The following PPP2R5B variants were observed in gnomAD, a reference collection of about 807,000 sequenced individuals.
PPP2R5B encodes protein phosphatase 2 regulatory subunit B'beta, also known as serine/threonine-protein phosphatase 2A 56 kDa regulatory subunit beta isoform.
Under a neutral mutation model 59.9 loss-of-function variants are expected in PPP2R5B, and 19 were observed. The observed-to-expected ratio is 0.32, with a 90% confidence interval of 0.22 to 0.47. PPP2R5B has a LOEUF of 0.47. Among genes scored for constraint, PPP2R5B ranks in the 20% least tolerant of loss-of-function variants. PPP2R5B has a pLI of 1.00. For missense variants in PPP2R5B, 441 were observed against 640.2 expected (o/e 0.69, Z 3.36); for synonymous variants, 286 against 260.5 (o/e 1.10, Z -0.94).
rs1945166003 is a variant in PPP2R5B at position 64,926,579 on chromosome 11, CA to C, written c.200-132del. The C allele has an allele frequency of 4.4e-6, 4 of 899,832 alleles. No individual in the cohort carries two copies. The East Asian group carries it at 1.0e-4, about 23-fold the overall frequency. The allele number at this position is 899,832 out of a possible 1,614,324, so 55.7% of individuals were successfully genotyped here. On this transcript the variant is annotated intron_variant, in intron 2 of 13. Transcript: ENST00000164133. ...GTAGTTGTTTGCTGTCTGCAAGGAGCAGGAGATGGCACAAGAGCATGGGGCC... is the reference window on the plus strand; with the variant it reads ...GTAGTTGTTTGCTGTCTGCAAGGAGCGGAGATGGCACAAGAGCATGGGGCC...
intron 6 of PPP2R5B, among the ~76,000 whole-genome samples, chr11:64,929,177 C>T (rs1399339243): frequency 6.6e-6 from 1 of 152,084 alleles, no homozygotes; most frequent in Admixed American, 6.5e-5. Flanking sequence ...AAATGGTTTG[C>T]AGGGACTGGG....
intron 6 of PPP2R5B, among the ~76,000 whole-genome samples, 170 bp from the exon 7 acceptor site, chr11:64,930,152 G>A (rs575743124): frequency 1.3e-5 from 2 of 152,188 alleles, no homozygotes; most frequent in South Asian, 2.1e-4. Context: ...GTGGGGGGGC[G>A]GGGATCTCAA....
At chr11:64,923,996 A>T (rs1945132318), upstream of PPP2R5B, among the ~76,000 whole-genome samples, 1 of 152,292 alleles carries the variant, frequency 6.6e-6, no homozygotes, top group Non-Finnish European at 1.5e-5. Flanking sequence ...CTTAGGGTCC[A>T]GGGGGGCTGA....
chr11:64,931,411 T>C lies in PPP2R5B; in HGVS notation c.892-25T>C. On this transcript the variant is annotated intron_variant, in intron 8 of 13. Transcript: ENST00000164133. This position sits in a 1 kb window ranked among gnomAD's most constrained non-coding sequence, Gnocchi z 5.0. ...TGGTGCCTTCCTGACCTGTCTTCCT[T>C]CCCTCCACCTGTCACCCCCTGCAGC... is the stretch of plus-strand genomic sequence containing the variant. 3 of 1,613,462 alleles carry C rather than the reference T, an allele frequency of 1.9e-6. No homozygotes were observed. Among genetic ancestry groups the C allele is most frequent in the Non-Finnish European group, 2.5e-6 (3 of 1,179,580 alleles).
chr11:64,929,314 G>A (rs1279201228), intron 6 of PPP2R5B, among the ~76,000 whole-genome samples: 4 of 152,214 alleles, frequency 2.6e-5, no homozygotes, highest in African/African-American at 9.7e-5. Flanking sequence ...AGGCTCACGT[G>A]GCCTTGTAGT....
At chr11:64,932,736 T>TA (rs756510879) in intron 11 of PPP2R5B, 29 bp from the exon 12 acceptor site, 2 of 1,610,266 alleles carry the variant, frequency 1.2e-6, no homozygotes, top group Non-Finnish European at 1.7e-6. Context: ...CACTGCCAGT[T>TA]AATCACTCTG....
upstream of PPP2R5B, among the ~76,000 whole-genome samples, chr11:64,922,554 C>T (rs1025463802): frequency 1.3e-5 from 2 of 151,918 alleles, no homozygotes; most frequent in Non-Finnish European, 2.9e-5. Context: ...TATTTTGAGA[C>T]CCAGTTCAAA....
At chr11:64,927,003 T>C (rs1005691411) in intron 3 of PPP2R5B, 95 bp downstream of exon 3, 2 of 1,415,792 alleles carry the variant, frequency 1.4e-6, no homozygotes, top group South Asian at 2.6e-5. Flanking sequence ...AATAACCCTG[T>C]ACTCATCGGC....
intron 13 of PPP2R5B, 24 bp downstream of exon 13, chr11:64,933,270 G>C (rs1945248242): frequency 6.4e-7 from 1 of 1,565,154 alleles, no homozygotes; most frequent in Admixed American, 1.7e-5. Flanking sequence ...GCTGGGCGTG[G>C]GGGAAGGGAG....
Position 64,931,576 on chromosome 11 carries a change from C to G in PPP2R5B, c.963C>G (p.Leu321=). ...TCCCACAGGTGATCCGGGGGCTGCT[C>G]AAATACTGGCCAAAAACCTGCACCC... ...TLTEHVIRGL[L]KYWPKTCTQK... Residue 321 remains leucine (L), a synonymous_variant, in exon 10 of 14, where the codon CTC becomes CTG. Coordinates refer to ENST00000164133, the MANE Select transcript of PPP2R5B (RefSeq NM_006244.4). The surrounding 1 kb of genome is among the most constrained non-coding windows in gnomAD (Gnocchi z 5.0). 1 of 1,614,040 alleles carries G rather than the reference C, an allele frequency of 6.2e-7. No individual in the cohort carries two copies. Among genetic ancestry groups the G allele is most frequent in the Non-Finnish European group, 8.5e-7 (1 of 1,180,006 alleles).
chr11:64,930,514 G>A lies in PPP2R5B; in HGVS notation c.816G>A (p.Thr272=), dbSNP rs753201776. The part of the protein sequence containing the change: ...IINGFALPLK[T]EHKQFLVRVL... Reference sequence around the variant, plus strand: ...ATGGCTTTGCGCTGCCCCTGAAGACGGAGCACAAGCAGTTCCTGGTTCGCG... The same window carrying A: ...ATGGCTTTGCGCTGCCCCTGAAGACAGAGCACAAGCAGTTCCTGGTTCGCG... Residue 272 remains threonine, a synonymous_variant, in exon 8 of 14, where the codon ACG becomes ACA. Coordinates refer to ENST00000164133, the MANE Select transcript of PPP2R5B (RefSeq NM_006244.4). The A allele has an allele frequency of 9.9e-6, 16 of 1,614,118 alleles. No homozygotes were observed. Among genetic ancestry groups the A allele is most frequent in the South Asian group, 8.8e-5 (8 of 91,080 alleles).
Position 64,931,386 on chromosome 11 carries a change from T to C in PPP2R5B, c.892-50T>C. 1 of 1,594,108 alleles carries C rather than the reference T, an allele frequency of 6.3e-7. No homozygotes were observed. Among genetic ancestry groups the C allele is most frequent in the Non-Finnish European group, 8.6e-7 (1 of 1,163,074 alleles). ...TCCTGGACAGCAAGTCCTTGGCGCC[T>C]GGTGCCTTCCTGACCTGTCTTCCTT... On this transcript the variant is annotated intron_variant, in intron 8 of 13. Coordinates refer to ENST00000164133, the MANE Select transcript of PPP2R5B (RefSeq NM_006244.4). This position sits in a 1 kb window ranked among gnomAD's most constrained non-coding sequence, Gnocchi z 5.0.
chr11:64,926,752 G>A lies in PPP2R5B; in HGVS notation c.240G>A (p.Lys80=). 6.2e-6 allele frequency: 10 copies of A among 1,614,226 alleles called. No individual in the cohort carries two copies. The highest frequency in any genetic ancestry group is 8.5e-6 in the Non-Finnish European group (10 of 1,180,038). Residue 80 remains lysine (K), a synonymous_variant, in exon 3 of 14, where the codon AAG becomes AAA. Coordinates refer to ENST00000164133, the MANE Select transcript of PPP2R5B (RefSeq NM_006244.4). ...ASELHELLSR[K]LAQCGVMFDF... Reference sequence around the variant, plus strand: ...AGCTGCACGAGCTGCTGAGCCGGAAGCTGGCCCAGTGTGGGGTGATGTTTG... The same window carrying A: ...AGCTGCACGAGCTGCTGAGCCGGAAACTGGCCCAGTGTGGGGTGATGTTTG...
In PPP2R5B at chr11:64,925,861, C is replaced by T. The variant is rs139878967; in HGVS notation, c.127C>T (p.Arg43Cys). ...TTCCCTCCGCAGAGCCCGGCCCCGC[C>T]GCTCCCACAGCTCCTCTCAGTTCCG... ...RRSLRRARPR[R>C]SHSSSQFRYQ... The change falls in exon 2 of 14, where the codon CGC becomes TGC. Residue 43 changes from arginine to cysteine, a missense_variant. Transcript: ENST00000164133. This position sits in a 1 kb window ranked among gnomAD's most constrained non-coding sequence, Gnocchi z 4.6. The T allele has an allele frequency of 9.2e-5, 148 of 1,611,708 alleles. 1 individual carries two copies. The highest frequency in any genetic ancestry group is 1.1e-4 in the Non-Finnish European group (135 of 1,179,852).
At position 64,930,537 on chromosome 11, in the gene PPP2R5B, G is replaced by T. The variant is rs1435915662; in HGVS notation, c.839G>T (p.Arg280Leu). The T allele has an allele frequency of 6.2e-7, 1 of 1,613,994 alleles. No homozygotes were observed. The highest frequency in any genetic ancestry group is 1.1e-5 in the South Asian group (1 of 91,090). ...LKTEHKQFLV[R>L]VLIPLHSVKS... The stretch of plus-strand genomic sequence containing the variant: ...ACGGAGCACAAGCAGTTCCTGGTTC[G>T]CGTCCTGATCCCCCTGCACTCTGTC... Residue 280 changes from arginine to leucine, a missense_variant, in exon 8 of 14, where the codon CGC becomes CTC. Physicochemically the swap from Arg to Leu is moderately radical, Grantham distance 102 (BLOSUM62 -2). Around this residue, in one of 3 missense-constraint regions of PPP2R5B, gnomAD observed 268 missense variants for 488.1 expected, o/e 0.55. Coordinates refer to ENST00000164133, the MANE Select transcript of PPP2R5B (RefSeq NM_006244.4).
Position 64,925,679 on chromosome 11 carries a change from C to A in PPP2R5B, c.-56C>A. 1 of 1,074,940 alleles carries A rather than the reference C, an allele frequency of 9.3e-7. No homozygotes were observed. The highest frequency in any genetic ancestry group is 1.4e-6 in the Non-Finnish European group (1 of 719,586). The allele number at this position is 1,074,940 out of a possible 1,614,324, so 66.6% of individuals were successfully genotyped here. On this transcript the variant is annotated 5_prime_UTR_variant, in exon 2 of 14. Coordinates refer to ENST00000164133, the MANE Select transcript of PPP2R5B (RefSeq NM_006244.4). This position sits in a 1 kb window ranked among gnomAD's most constrained non-coding sequence, Gnocchi z 4.6. ...TCTGTCCAGTCTCACCCAGCACCTC[C>A]CAGGCCCAGAGAGAACCCCCGGGGC...
intron 1 of PPP2R5B, among the ~76,000 whole-genome samples, chr11:64,919,137 G>A (rs1259324115): frequency 6.6e-6 from 1 of 151,762 alleles, no homozygotes; most frequent in Non-Finnish European, 1.5e-5. Context: ...TCAGGAAATC[G>A]AGACCACCCT....
At position 64,927,700 on chromosome 11, in the gene PPP2R5B, C is replaced by T. The variant is rs1014074254; in HGVS notation, c.397-102C>T. The T allele has an allele frequency of 1.9e-5, 18 of 939,524 alleles. No individual in the cohort carries two copies. The Admixed American group carries it at 3.4e-4, about 18-fold the overall frequency. 58.2% of individuals were successfully genotyped at this position (939,524 alleles called of 1,614,324 possible). A position where few individuals can be genotyped will look rare whatever the true frequency, so the allele number is the denominator to read the frequency against. On this transcript the variant is annotated intron_variant, in intron 3 of 13. Transcript: ENST00000164133. ...CCAGCTTGGGCAACAGAGCGAGACC[C>T]TGTCTTGGGAAAGAAAAAAAAAAAA... is the stretch of plus-strand genomic sequence containing the variant.
chr11:64,933,569 TCA>T lies in PPP2R5B; in HGVS notation c.1347-125_1347-124del. The T allele has an allele frequency of 2.5e-6, 3 of 1,218,716 alleles. No individual in the cohort carries two copies. The South Asian group carries it at 4.9e-5, about 20-fold the overall frequency. The allele number at this position is 1,218,716 out of a possible 1,614,324, so 75.5% of individuals were successfully genotyped here. A position where few individuals can be genotyped will look rare whatever the true frequency, so the allele number is the denominator to read the frequency against. ...CCCTCAGTAGAGGGTTTTTATGGAG[TCA>T]CAGAACAAAAATGGTTCCATGCCTT... On this transcript the variant is annotated intron_variant, in intron 13 of 13. Transcript: ENST00000164133.
Sources: allele counts gnomAD v4.1 joint callset (sites outside exome capture counted in the v4.1 genomes callset), GRCh38; gene constraint gnomAD v4.1.1; regional missense constraint gnomAD v4.1.1; non-coding constraint Gnocchi (gnomAD v3.1); transcripts MANE v1.5; gene names NCBI Gene and HGNC (gene_info 2026-07-23, HGNC 2026-07-21).